EPHA4: variants seen among roughly 807,000 people sequenced by gnomAD.
EPHA4 encodes EPH receptor A4.
Under a neutral mutation model 108.3 loss-of-function variants are expected in EPHA4, and 19 were observed. The observed-to-expected ratio is 0.18, with a 90% CI of 0.12 to 0.26. EPHA4 has a LOEUF of 0.26. Among genes scored for constraint, EPHA4 ranks in the 10% least tolerant of loss-of-function variants. EPHA4 has a pLI of 1.00. For synonymous variants in EPHA4, 449 were observed against 455.5 expected (o/e 0.99, Z 0.18); for missense variants, 917 against 1,254.0 (o/e 0.73, Z 4.06).
At chr2:221,552,826 G>A (rs1376671931) in intron 3 of EPHA4, among the ~76,000 whole-genome samples, 1 of 152,106 alleles carries the variant, frequency 6.6e-6, no homozygotes, top group Non-Finnish European at 1.5e-5. Flanking sequence ...AATGTCTAAA[G>A]CCTGTGAATG....
chr2:221,540,132 C>G (rs1409680923), intron 3 of EPHA4, among the ~76,000 whole-genome samples: 1 of 152,162 alleles, frequency 6.6e-6, no homozygotes, highest in Non-Finnish European at 1.5e-5. Flanking sequence ...GTTGGCCAGG[C>G]TGGTCTCGAA....
At chr2:221,518,628 G>C (rs1693060948) in intron 3 of EPHA4, among the ~76,000 whole-genome samples, 2 of 152,290 alleles carry the variant, frequency 1.3e-5, no homozygotes, top group Middle Eastern at 6.8e-3. Context: ...ACCACTCCTT[G>C]CTGTGAACCA....
intron 3 of EPHA4, among the ~76,000 whole-genome samples, chr2:221,558,442 C>T (rs572417619): frequency 4.6e-5 from 7 of 152,014 alleles, no homozygotes; most frequent in East Asian, 1.9e-4. Context: ...CCCCACCCCC[C>T]GCCATTAACT....
intron 5 of EPHA4, among the ~76,000 whole-genome samples, chr2:221,461,603 T>C (rs1332716213): frequency 1.3e-5 from 2 of 152,132 alleles, no homozygotes; most frequent in African/African-American, 4.8e-5. Flanking sequence ...ACTCGGCCAC[T>C]AGACACATAC....
intron 15 of EPHA4, among the ~76,000 whole-genome samples, chr2:221,428,502 G>T (rs1300503940): frequency 6.6e-6 from 1 of 152,188 alleles, no homozygotes; most frequent in Non-Finnish European, 1.5e-5. Context: ...CTATGTGATA[G>T]TAGTGGTTGA....
chr2:221,528,094 T>TA (rs1693396750), intron 3 of EPHA4, among the ~76,000 whole-genome samples: 1 of 141,726 alleles, frequency 7.1e-6, no homozygotes, highest in South Asian at 2.5e-4. Flanking sequence ...GTTTAAAACA[T>TA]AGAGTTATGC....
chr2:221,550,688 C>A (rs754065747), intron 3 of EPHA4, among the ~76,000 whole-genome samples: 115 of 152,238 alleles, frequency 7.6e-4, no homozygotes, highest in Middle Eastern at 6.8e-3. Context: ...AGTGGCAGAG[C>A]TGAGATTAAA....
chr2:221,473,552 GAAAAAAAAA>G lies in EPHA4; in HGVS notation c.1318+8791_1318+8799del, dbSNP rs772366510. 2.5e-4 allele frequency among the ~76,000 whole-genome samples: 27 copies of G among 109,666 alleles called. 1 individual carries two copies. The highest frequency in any genetic ancestry group is 7.6e-4 in the African/African-American group (22 of 29,128). 71.9% of individuals were successfully genotyped at this position (109,666 alleles called of 152,430 possible). Reference sequence around the variant, plus strand: ...TTTTGGGTTTTCAAGGTGTTTAAAGGAAAAAAAAAAAAAAAAAAAAAACTATTTAAAGAC... The same window carrying G: ...TTTTGGGTTTTCAAGGTGTTTAAAGGAAAAAAAAAAAAACTATTTAAAGAC... On this transcript the variant is annotated intron_variant, in intron 5 of 17. Coordinates refer to ENST00000281821, the MANE Select transcript of EPHA4 (RefSeq NM_004438.5).
intron 5 of EPHA4, among the ~76,000 whole-genome samples, chr2:221,470,262 T>A (rs1011344511): frequency 1.0e-4 from 15 of 148,788 alleles, no homozygotes; most frequent in African/African-American, 3.5e-4. Context: ...GTCTAAGGAC[T>A]GAGAAGTGAT....
At chr2:221,530,009 T>C (rs1381627435) in intron 3 of EPHA4, among the ~76,000 whole-genome samples, 2 of 152,196 alleles carry the variant, frequency 1.3e-5, no homozygotes, top group African/African-American at 2.4e-5. Context: ...TCAAGTGTTA[T>C]GTTAACCGAA....
chr2:221,547,485 CA>C (rs1694031009), intron 3 of EPHA4, among the ~76,000 whole-genome samples: 1 of 152,172 alleles, frequency 6.6e-6, no homozygotes, highest in East Asian at 1.9e-4. Flanking sequence ...TGCTGTGATA[CA>C]GAGTCAAAAT....
intron 4 of EPHA4, among the ~76,000 whole-genome samples, chr2:221,496,883 A>C (rs1692313998): frequency 1.3e-5 from 2 of 152,124 alleles, no homozygotes; most frequent in Admixed American, 1.3e-4. Context: ...CACTCCGGCC[A>C]GGGTGACAAG....
chr2:221,537,743 T>C (rs1176748486), intron 3 of EPHA4, among the ~76,000 whole-genome samples: 1 of 152,220 alleles, frequency 6.6e-6, no homozygotes, highest in African/African-American at 2.4e-5. Context: ...TGAGCTATGA[T>C]GGTGCCATTG....
chr2:221,428,121 T>G (rs1689966316), intron 15 of EPHA4, among the ~76,000 whole-genome samples: 1 of 152,234 alleles, frequency 6.6e-6, no homozygotes, highest in East Asian at 1.9e-4. Context: ...GCAATAATAT[T>G]TGTTATTAGA....
At chr2:221,552,350 T>C (rs998121661) in intron 3 of EPHA4, among the ~76,000 whole-genome samples, 2 of 152,212 alleles carry the variant, frequency 1.3e-5, no homozygotes, top group Non-Finnish European at 2.9e-5. Context: ...AAAGCTTTCC[T>C]GAAGCTGTCA....
intron 3 of EPHA4, among the ~76,000 whole-genome samples, chr2:221,559,341 A>G (rs995259313): frequency 6.6e-6 from 1 of 152,226 alleles, no homozygotes; most frequent in Non-Finnish European, 1.5e-5. Flanking sequence ...ACTGCTGATT[A>G]GTATTTCCCA....
At position 221,441,471 on chromosome 2, in the gene EPHA4, G is replaced by C. The variant is rs372920823; in HGVS notation, c.2074+1358C>G. On this transcript the variant is annotated intron_variant, in intron 11 of 17. Coordinates refer to ENST00000281821, the MANE Select transcript of EPHA4 (RefSeq NM_004438.5). ...CCTTTCCAGCTCCCCATCCCGCTGA[G>C]AGCCACCTCCATCACCCAATAAAAC... Among the ~76,000 whole-genome samples, 40 of 151,924 alleles carry C rather than the reference G, an allele frequency of 2.6e-4. No homozygotes were observed. In the South Asian group the frequency reaches 4.4e-3, roughly 17 times the overall value.
At chr2:221,570,190 G>A (rs1378705522) in intron 1 of EPHA4, among the ~76,000 whole-genome samples, 1 of 151,930 alleles carries the variant, frequency 6.6e-6, no homozygotes, top group African/African-American at 2.4e-5. Context: ...GGAATAGAAA[G>A]CAACAAAGTG....
At position 221,425,824 on chromosome 2, in the gene EPHA4, CTCAT is replaced by C; in HGVS notation, c.*200_*203del. The C allele has an allele frequency of 1.8e-6, 1 of 568,836 alleles. No individual in the cohort carries two copies. Among genetic ancestry groups the C allele is most frequent in the Non-Finnish European group, 3.1e-6 (1 of 320,512 alleles). The allele number at this position is 568,836 out of a possible 1,614,324, so 35.2% of individuals were successfully genotyped here. A position where few individuals can be genotyped will look rare whatever the true frequency, so the allele number is the denominator to read the frequency against. On this transcript the variant is annotated 3_prime_UTR_variant, in exon 17 of 18. Coordinates refer to ENST00000281821, the MANE Select transcript of EPHA4 (RefSeq NM_004438.5). ...TTCTGAGAAACGATTTGTTCCAGGT[CTCAT>C]TCAAATGACCGGCAGTCATTTCTGT...
Sources: gnomAD v4.1 joint callset for allele counts (sites outside exome capture counted in the v4.1 genomes callset) on GRCh38, gnomAD v4.1.1 for gene constraint, MANE v1.5 for transcripts, NCBI Gene and HGNC (gene_info 2026-07-23, HGNC 2026-07-21) for gene names.